Variants in CNTNAP2 observed in about 807,000 individuals in gnomAD.
CNTNAP2 encodes contactin associated protein 2.
CNTNAP2 carries 98 observed loss-of-function variants against 155.2 expected under a neutral mutation model. That is an observed-to-expected ratio of 0.63 (90% CI 0.54 to 0.75). CNTNAP2 has a LOEUF of 0.75. CNTNAP2 is among the 30% of genes least tolerant of loss of function. The pLI is 0.00. For missense variants in CNTNAP2, 1,727 were observed against 1,688.1 expected (o/e 1.02, Z -0.40); for synonymous variants, 651 against 631.2 (o/e 1.03, Z -0.47).
intron 14 of CNTNAP2, among the ~76,000 whole-genome samples, chr7:147,925,612 G>T (rs189638904): frequency 0.023 from 3,414 of 151,218 alleles, 106 homozygotes; most frequent in African/African-American, 0.075. Context: ...GACTACAGGC[G>T]CCCGCCACTC....
At chr7:147,105,717 A>T (rs1282297267) in intron 4 of CNTNAP2, among the ~76,000 whole-genome samples, 1 of 152,054 alleles carries the variant, frequency 6.6e-6, no homozygotes, top group Non-Finnish European at 1.5e-5. Context: ...GAAGCATTTA[A>T]CCCATTCATA....
intron 1 of CNTNAP2, among the ~76,000 whole-genome samples, chr7:146,281,702 G>A (rs1371195969): frequency 6.6e-6 from 1 of 151,856 alleles, no homozygotes; most frequent in Non-Finnish European, 1.5e-5. Flanking sequence ...GACTGAGGCA[G>A]GAGAGTCACT....
chr7:147,684,034 T>G (rs1795986144), intron 13 of CNTNAP2, among the ~76,000 whole-genome samples: 1 of 151,836 alleles, frequency 6.6e-6, no homozygotes, highest in Admixed American at 6.6e-5. Flanking sequence ...AACTTAAAAC[T>G]GCTTTTACCC....
intron 8 of CNTNAP2, among the ~76,000 whole-genome samples, chr7:147,228,317 GTGTT>G (rs1349506343): frequency 2.0e-5 from 3 of 152,142 alleles, no homozygotes. Flanking sequence ...TGAAAGAAAC[GTGTT>G]TGTATGATAA....
intron 13 of CNTNAP2, among the ~76,000 whole-genome samples, chr7:147,780,961 A>C (rs1276950402): frequency 6.6e-6 from 1 of 152,144 alleles, no homozygotes; most frequent in Non-Finnish European, 1.5e-5. Context: ...GGTTCCTCTG[A>C]ATAGAGAAAT....
chr7:147,398,118 A>T (rs1252471703), intron 10 of CNTNAP2, among the ~76,000 whole-genome samples: 2 of 152,054 alleles, frequency 1.3e-5, no homozygotes, highest in Non-Finnish European at 2.9e-5. Flanking sequence ...TACTTAAACC[A>T]CTGAAGAGTG....
chr7:146,340,149 A>C (rs1288864641), intron 1 of CNTNAP2, among the ~76,000 whole-genome samples: 2 of 138,252 alleles, frequency 1.4e-5, no homozygotes, highest in Non-Finnish European at 1.5e-5. Flanking sequence ...AGCCTGGGCG[A>C]TAGAGCGAGA....
chr7:147,134,009 A>C (rs892316697), intron 8 of CNTNAP2, among the ~76,000 whole-genome samples: 12 of 152,076 alleles, frequency 7.9e-5, no homozygotes, highest in Non-Finnish European at 1.6e-4. Flanking sequence ...AAACAAAAAC[A>C]AAAGCAAATG....
intron 15 of CNTNAP2, among the ~76,000 whole-genome samples, chr7:148,054,194 G>C (rs1384398390): frequency 6.6e-6 from 1 of 152,004 alleles, no homozygotes; most frequent in Admixed American, 6.6e-5. Context: ...GGATGTTCTT[G>C]ATCTCCTGAC....
intron 9 of CNTNAP2, 94 bp downstream of exon 9, chr7:147,300,384 C>A: frequency 7.2e-7 from 1 of 1,390,692 alleles, no homozygotes; most frequent in Non-Finnish European, 1.0e-6. Flanking sequence ...TTTGACTCAA[C>A]TGACTCAGTA....
intron 14 of CNTNAP2, among the ~76,000 whole-genome samples, chr7:147,957,934 G>T (rs1026001079): frequency 2.6e-5 from 4 of 152,042 alleles, no homozygotes; most frequent in African/African-American, 9.7e-5. Context: ...AATTAGCCAG[G>T]TGTGGTGTCA....
At chr7:146,977,202 G>T (rs1249066959) in intron 3 of CNTNAP2, among the ~76,000 whole-genome samples, 2 of 152,146 alleles carry the variant, frequency 1.3e-5, no homozygotes, top group African/African-American at 2.4e-5. Context: ...TGTAAAACTT[G>T]CAGAGAGAAA....
At chr7:147,474,402 C>T (rs1798279505) in intron 10 of CNTNAP2, among the ~76,000 whole-genome samples, 1 of 152,092 alleles carries the variant, frequency 6.6e-6, no homozygotes, top group African/African-American at 2.4e-5. Context: ...CAAGACCAGC[C>T]TGGCCAACAT....
At chr7:146,348,763 C>G (rs1794867458) in intron 1 of CNTNAP2, among the ~76,000 whole-genome samples, 1 of 150,076 alleles carries the variant, frequency 6.7e-6, no homozygotes, top group Non-Finnish European at 1.5e-5. Flanking sequence ...TCGTTAACAC[C>G]AAACAATGGG....
chr7:147,803,265 G>A (rs1798036600), intron 13 of CNTNAP2, among the ~76,000 whole-genome samples: 1 of 152,160 alleles, frequency 6.6e-6, no homozygotes, highest in Non-Finnish European at 1.5e-5. Flanking sequence ...CTTTCTCTGT[G>A]GATAGTCCAG....
intron 1 of CNTNAP2, among the ~76,000 whole-genome samples, chr7:146,322,342 G>A (rs775825019): frequency 6.0e-4 from 91 of 152,178 alleles, no homozygotes; most frequent in Admixed American, 1.0e-3. Flanking sequence ...TAACTCAGAT[G>A]TATGAGCTTT....
At chr7:147,235,285 G>A (rs567988113) in intron 8 of CNTNAP2, among the ~76,000 whole-genome samples, 14 of 151,346 alleles carry the variant, frequency 9.3e-5, no homozygotes, top group African/African-American at 3.4e-4. Context: ...GACTTGCGAG[G>A]TTCTGTGATT....
intron 13 of CNTNAP2, among the ~76,000 whole-genome samples, chr7:147,668,797 T>G (rs758125337): frequency 6.6e-6 from 1 of 152,026 alleles, no homozygotes; most frequent in South Asian, 2.1e-4. Flanking sequence ...AGAAAAGTTT[T>G]CTATATATTT....
At chr7:147,059,474 C>T (rs1236729343) in intron 4 of CNTNAP2, among the ~76,000 whole-genome samples, 3 of 147,322 alleles carry the variant, frequency 2.0e-5, no homozygotes, top group Non-Finnish European at 4.5e-5. Flanking sequence ...ATACTCTTGA[C>T]TGTGATCTTA....
Sources: allele counts gnomAD v4.1 joint callset (sites outside exome capture counted in the v4.1 genomes callset), GRCh38; gene constraint gnomAD v4.1.1; transcripts MANE v1.5; gene names NCBI Gene and HGNC (gene_info 2026-07-23, HGNC 2026-07-21).